Variants in MED14 observed in about 807,000 individuals in gnomAD.
The protein encoded by MED14 is mediator complex subunit 14, also known as mediator of RNA polymerase II transcription subunit 14.
A neutral mutation model predicts 109.0 loss-of-function variants in MED14; 8 were observed. The observed-to-expected ratio is 0.07, with a 90% CI of 0.04 to 0.13. MED14 has a LOEUF of 0.13. Ranked by LOEUF, MED14 falls within the 10% of genes least tolerant of loss-of-function variation. The probability of loss-of-function intolerance (pLI) is 1.00; values close to 1 mark genes in which losing one functional copy is unlikely to be tolerated. For synonymous variants in MED14, 399 were observed against 408.7 expected, an observed-to-expected ratio of 0.98 and a Z score of 0.29; for missense variants, 711 against 1,142.4, an observed-to-expected ratio of 0.62 and a Z score of 5.44.
At chrX:40,712,068 G>T (rs774580076) in intron 7 of MED14, 118 bp downstream of exon 7, 4 of 459,407 alleles carry the variant, frequency 8.7e-6, no homozygotes, top group Non-Finnish European at 1.5e-5. Context: ...AAAAAGGGTG[G>T]GGGAGATGGG....
chrX:40,702,347 T>TG (rs1325088245), intron 11 of MED14, among the ~76,000 whole-genome samples: 1 of 50,297 alleles, frequency 2.0e-5, no homozygotes, highest in African/African-American at 2.5e-4. Context: ...ATAAGTTTTG[T>TG]TTTTTTTTTT....
intron 16 of MED14, among the ~76,000 whole-genome samples, chrX:40,686,165 A>C (rs1486407339): frequency 8.9e-6 from 1 of 112,058 alleles, no homozygotes; most frequent in Non-Finnish European, 1.9e-5. Flanking sequence ...AAATAAAGAA[A>C]ACAAAAGCCA....
chrX:40,730,164 A>G (rs902834949), intron 1 of MED14, among the ~76,000 whole-genome samples: 2 of 112,318 alleles, frequency 1.8e-5, no homozygotes, highest in African/African-American at 6.5e-5. Flanking sequence ...GTGCCACAGG[A>G]ACAGAAAAAC....
intron 21 of MED14, among the ~76,000 whole-genome samples, chrX:40,677,448 A>G (rs896116464): frequency 9.0e-6 from 1 of 111,343 alleles, no homozygotes; most frequent in African/African-American, 3.3e-5. Flanking sequence ...AGAAATCAAT[A>G]CCACACCCCC....
In MED14 at chrX:40,662,914, G is replaced by A. The variant is rs184285923; in HGVS notation, c.3684+11C>T. 2.0e-4 allele frequency: 232 copies of A among 1,172,027 alleles called. No individual in the cohort carries two copies. The African/African-American group carries it at 3.8e-3, about 19-fold the overall frequency. On this transcript the variant is annotated intron_variant, in intron 26 of 30. Transcript: ENST00000324817. ...ACAATCACCACTTAGAAGGTCATTA[G>A]GTACCCATACCGTTTCTTGTTGAAT...
intron 1 of MED14, among the ~76,000 whole-genome samples, chrX:40,730,710 C>T (rs187547474): frequency 1.8e-5 from 2 of 111,435 alleles, no homozygotes; most frequent in African/African-American, 3.3e-5. Context: ...AGAAAGCTAC[C>T]ATTTAGAGTA....
intron 2 of MED14, among the ~76,000 whole-genome samples, chrX:40,728,679 T>C (rs1931973144): frequency 8.9e-6 from 1 of 112,204 alleles, no homozygotes; most frequent in East Asian, 2.8e-4. Flanking sequence ...GGAAACATTT[T>C]AGCCTTAAGT....
chrX:40,690,563 C>T (rs755103507), intron 15 of MED14, among the ~76,000 whole-genome samples: 2 of 111,098 alleles, frequency 1.8e-5, no homozygotes, highest in South Asian at 3.8e-4. Context: ...TACAGGCGCC[C>T]GCTACCATGC....
intron 3 of MED14, among the ~76,000 whole-genome samples, chrX:40,718,692 T>A (rs780690979): frequency 9.0e-6 from 1 of 110,646 alleles, no homozygotes; most frequent in Non-Finnish European, 1.9e-5. Context: ...AAAAATTAGA[T>A]GGGCACAGTA....
chrX:40,651,378 A>G lies in MED14; in HGVS notation c.*428T>C, dbSNP rs1013825423. 2.7e-6 allele frequency: 2 copies of G among 751,721 alleles called. No individual in the cohort carries two copies. The highest frequency in any genetic ancestry group is 1.8e-4 in the Admixed American group (2 of 11,400). The allele number at this position is 751,721 out of a possible 1,213,427, so 62.0% of individuals were successfully genotyped here. A position where few individuals can be genotyped will look rare whatever the true frequency, so the allele number is the denominator to read the frequency against. ...GGATTCAAAGCGGTCATATTAAAAT[A>G]CAGCTTCAATATAAAGTTTATCACA... On this transcript the variant is annotated 3_prime_UTR_variant, in exon 31 of 31. Coordinates refer to ENST00000324817, the MANE Select transcript of MED14 (RefSeq NM_004229.4).
At chrX:40,669,453 T>G (rs1183068722) in intron 23 of MED14, among the ~76,000 whole-genome samples, 1 of 111,336 alleles carries the variant, frequency 9.0e-6, no homozygotes, top group Non-Finnish European at 1.9e-5. Flanking sequence ...TTCCAAGTCT[T>G]CATCTGTGGT....
chrX:40,687,820 C>T (rs1187283337), intron 16 of MED14, among the ~76,000 whole-genome samples: 1 of 111,981 alleles, frequency 8.9e-6, no homozygotes, highest in African/African-American at 3.3e-5. Flanking sequence ...TATGAACCCA[C>T]AGCATTCTGA....
In MED14 at chrX:40,729,347, T is replaced by TAAA; in HGVS notation, c.216-3_216-2insTTT. Reference sequence around the variant, plus strand: ...TCCACATCAGATTTCCTTGGCAGTCTAAGAAGAAAAAAAAAAAACGGATTA... The same window carrying TAAA: ...TCCACATCAGATTTCCTTGGCAGTCTAAAAAGAAGAAAAAAAAAAAACGGATTA... On this transcript the variant is annotated splice_polypyrimidine_tract_variant and splice_region_variant and intron_variant, in intron 1 of 30. Coordinates refer to ENST00000324817, the MANE Select transcript of MED14 (RefSeq NM_004229.4). 1 of 1,170,307 alleles carries TAAA rather than the reference T, an allele frequency of 8.5e-7. No individual in the cohort carries two copies. The highest frequency in any genetic ancestry group is 1.1e-6 in the Non-Finnish European group (1 of 880,999).
intron 23 of MED14, among the ~76,000 whole-genome samples, chrX:40,671,403 G>A (rs1361776912): frequency 8.9e-6 from 1 of 112,529 alleles, no homozygotes; most frequent in Non-Finnish European, 1.9e-5. Flanking sequence ...TCTGGAGCTT[G>A]GGGGCAGGCC....
At chrX:40,655,081 C>A in intron 28 of MED14, 21 bp from the exon 29 acceptor site, 3 of 1,195,472 alleles carry the variant, frequency 2.5e-6, no homozygotes, top group Non-Finnish European at 3.4e-6. Flanking sequence ...GGGGAAAAAT[C>A]AAGATAAAGG....
intron 12 of MED14, among the ~76,000 whole-genome samples, chrX:40,700,391 AAT>A (rs1212497283): frequency 0.018 from 1,664 of 90,717 alleles, 370 homozygotes; most frequent in African/African-American, 0.053. Flanking sequence ...AAAAAAAAAA[AAT>A]TCATGCCCTG....
At chrX:40,663,682 A>T (rs1330045183) in intron 25 of MED14, among the ~76,000 whole-genome samples, 1 of 112,736 alleles carries the variant, frequency 8.9e-6, no homozygotes, top group Non-Finnish European at 1.9e-5. Context: ...AGCTGTGCTT[A>T]GTCTAAACTG....
intron 30 of MED14, chrX:40,653,857 A>G (rs1204282534): frequency 8.7e-6 from 1 of 114,485 alleles, no homozygotes; most frequent in Non-Finnish European, 1.8e-5. Context: ...TAAGAAGCCC[A>G]AAAAAGCAGT....
intron 24 of MED14, 80 bp from the exon 25 acceptor site, chrX:40,664,569 C>T (rs2146624326): frequency 3.2e-6 from 2 of 629,273 alleles, no homozygotes; most frequent in Non-Finnish European, 4.4e-6. Flanking sequence ...CAAATCTTTA[C>T]ACAGTAATAA....
Sources: allele counts gnomAD v4.1 joint callset (sites outside exome capture counted in the v4.1 genomes callset), GRCh38; gene constraint gnomAD v4.1.1; transcripts MANE v1.5; gene names NCBI Gene and HGNC (gene_info 2026-07-23, HGNC 2026-07-21).